The following TPO variants were observed in gnomAD, a reference collection of about 807,000 sequenced individuals.
The protein encoded by TPO is thyroid peroxidase.
TPO carries 78 observed loss-of-function variants against 96.9 expected under a neutral mutation model. That is an observed-to-expected ratio of 0.81 (90% CI 0.67 to 0.97). The LOEUF is 0.97. Among genes scored for constraint, TPO ranks in the 50% least tolerant of loss-of-function variants. The probability of loss-of-function intolerance (pLI) is 0.00; values close to 1 mark genes in which losing one functional copy is unlikely to be tolerated. For missense variants in TPO, 1,252 were observed against 1,274.8 expected (o/e 0.98, Z 0.27); for synonymous variants, 547 against 538.0 (o/e 1.02, Z -0.23).
chr2:1,438,988 AC>A (rs1665890259), intron 5 of TPO: 1 of 611,286 alleles, frequency 1.6e-6, no homozygotes, highest in Non-Finnish European at 3.0e-6. Context: ...TAGAGCCTGA[AC>A]CTTTCTTTGG....
At chr2:1,528,329 TCCCAAGTCTGCAACCC>T (rs1451271261) in intron 15 of TPO, among the ~76,000 whole-genome samples, 2 of 75,888 alleles carry the variant, frequency 2.6e-5, no homozygotes, top group Non-Finnish European at 2.4e-5. Context: ...CCACAAATCC[TCCCAAGTCTGCAACCC>T]CCCAAGTCCC....
At position 1,537,891 on chromosome 2, in the gene TPO, A is replaced by G. The variant is rs192687505; in HGVS notation, c.2619-2703A>G. On this transcript the variant is annotated intron_variant, in intron 15 of 16. Coordinates refer to ENST00000329066, the MANE Select transcript of TPO (RefSeq NM_001206744.2). ...CCCCCCACTGTGTGCAACCTCCTCA[A>G]ATCCCCACCACTCTGTGCAACCTGC... is the stretch of plus-strand genomic sequence containing the variant. Among the ~76,000 whole-genome samples the G allele has an allele frequency of 5.2e-3, 464 of 88,664 alleles. 2 individuals carry two copies. The highest frequency in any genetic ancestry group is 0.019 in the African/African-American group (423 of 22,306). The allele number at this position is 88,664 out of a possible 152,430, so 58.2% of individuals were successfully genotyped here. A position where few individuals can be genotyped will look rare whatever the true frequency, so the allele number is the denominator to read the frequency against.
At chr2:1,433,287 A>T in intron 3 of TPO, 151 bp from the exon 4 acceptor site, 1 of 913,600 alleles carries the variant, frequency 1.1e-6, no homozygotes, top group Non-Finnish European at 1.7e-6. Context: ...CAGCAACTGC[A>T]CATGTTTTAC....
chr2:1,378,112 T>G (rs116131630), intron 1 of TPO, among the ~76,000 whole-genome samples: 6,347 of 152,296 alleles, frequency 0.042, 289 homozygotes, highest in South Asian at 0.11. Context: ...TTCACCTTCC[T>G]CAGTGATTGT....
At chr2:1,429,910 A>G (rs73183027) in intron 3 of TPO, among the ~76,000 whole-genome samples, 4,898 of 152,326 alleles carry the variant, frequency 0.032, 275 homozygotes, top group African/African-American at 0.11. Flanking sequence ...AAAGGGAAGC[A>G]GAGCATAAAC....
chr2:1,402,022 A>C (rs1662179898), intron 1 of TPO, among the ~76,000 whole-genome samples: 1 of 152,142 alleles, frequency 6.6e-6, no homozygotes, highest in Non-Finnish European at 1.5e-5. Context: ...AGGGCACCCA[A>C]ATGCTGCTTC....
rs145095981 is a variant in TPO, at chr2:1,542,462, G to A, written c.2790G>A (p.Pro930=). The A allele has an allele frequency of 3.0e-5, 48 of 1,614,038 alleles. No homozygotes were observed. The highest frequency in any genetic ancestry group is 2.5e-4 in the South Asian group (23 of 91,070). The change falls in exon 17 of 17, where the codon CCG becomes CCA. Residue 930 remains proline, a synonymous_variant. Coordinates refer to ENST00000329066, the MANE Select transcript of TPO (RefSeq NM_001206744.2). ...AAGGCCGGGATACTCACAGGCTGCCGAGAGCCCTCTGAGGGCAAAGTGGCA... is the reference window on the plus strand; with the variant it reads ...AAGGCCGGGATACTCACAGGCTGCCAAGAGCCCTCTGAGGGCAAAGTGGCA... ...GMEGRDTHRL[P]RAL is the part of the protein sequence containing the mutation.
At chr2:1,424,211 G>A (rs1490993538) in intron 3 of TPO, among the ~76,000 whole-genome samples, 1 of 152,214 alleles carries the variant, frequency 6.6e-6, no homozygotes, top group Non-Finnish European at 1.5e-5. Flanking sequence ...CAGGTCATAA[G>A]TAGATGTAAC....
intron 7 of TPO, among the ~76,000 whole-genome samples, chr2:1,470,861 AGAG>A (rs1440005840): frequency 6.6e-6 from 1 of 152,224 alleles, no homozygotes; most frequent in African/African-American, 2.4e-5. Flanking sequence ...CAGCATCGGC[AGAG>A]GAGGCCACAG....
intron 15 of TPO, among the ~76,000 whole-genome samples, chr2:1,527,921 A>T (rs76512410): frequency 3.2e-3 from 75 of 23,470 alleles, no homozygotes; most frequent in East Asian, 0.018. Context: ...CCCCAATGTG[A>T]GCAACCTCCT....
chr2:1,484,930 A>C lies in TPO; in HGVS notation c.1597+76A>C, dbSNP rs182589400. On this transcript the variant is annotated intron_variant, in intron 9 of 16. Coordinates refer to ENST00000329066, the MANE Select transcript of TPO (RefSeq NM_001206744.2). ...TTTTAATTTTTTTAAATTATATTTT[A>C]AGTTCTAGGGTACATGTGCACAACG... is the stretch of plus-strand genomic sequence containing the variant. 2.5e-3 allele frequency: 3,928 copies of C among 1,582,958 alleles called. 12 individuals are homozygous for C. The highest frequency in any genetic ancestry group is 3.1e-3 in the Non-Finnish European group (3,641 of 1,166,024).
At position 1,419,204 on chromosome 2, in the gene TPO, C is replaced by T. The variant is rs143579705; in HGVS notation, c.95-3841C>T. On this transcript the variant is annotated intron_variant, in intron 2 of 16. Coordinates refer to ENST00000329066, the MANE Select transcript of TPO (RefSeq NM_001206744.2). Reference sequence around the variant, plus strand: ...GAAGGCGCAGGCAGAGAGCAGCGGGCGGCTTCTCCAGAGCAAGTAATTAAG... The same window carrying T: ...GAAGGCGCAGGCAGAGAGCAGCGGGTGGCTTCTCCAGAGCAAGTAATTAAG... Among the ~76,000 whole-genome samples, 568 of 152,262 alleles carry T rather than the reference C, an allele frequency of 3.7e-3. 1 individual carries two copies. Among genetic ancestry groups the T allele is most frequent in the Admixed American group, 9.0e-3 (138 of 15,276 alleles).
chr2:1,510,007 G>T (rs1168209028), intron 14 of TPO, among the ~76,000 whole-genome samples: 1 of 151,936 alleles, frequency 6.6e-6, no homozygotes, highest in Non-Finnish European at 1.5e-5. Context: ...TGTTTCAGGT[G>T]TCCTCTCTCT....
At chr2:1,536,556 C>A (rs1322457219) in intron 15 of TPO, among the ~76,000 whole-genome samples, 1 of 62,504 alleles carries the variant, frequency 1.6e-5, no homozygotes, top group African/African-American at 7.2e-5. Context: ...CTCCTCAAAT[C>A]CCCCCCAGTG....
intron 7 of TPO, among the ~76,000 whole-genome samples, chr2:1,474,674 A>T (rs1669732151): frequency 6.6e-6 from 1 of 152,108 alleles, no homozygotes; most frequent in African/African-American, 2.4e-5. Flanking sequence ...TTTGTTAGGG[A>T]GTCATCGATC....
At chr2:1,524,656 A>C in intron 15 of TPO, among the ~76,000 whole-genome samples, 1 of 97,092 alleles carries the variant, frequency 1.0e-5, no homozygotes, top group Non-Finnish European at 2.0e-5. Flanking sequence ...CAACCTCCTC[A>C]AATCCCCCCA....
Position 1,542,533 on chromosome 2 carries a change from C to G in TPO, c.*59C>G, listed in dbSNP as rs1680879529. 1 of 1,609,634 alleles carries G rather than the reference C, an allele frequency of 6.2e-7. No individual in the cohort carries two copies. The highest frequency in any genetic ancestry group is 8.5e-7 in the Non-Finnish European group (1 of 1,177,902). ...ATGTTCCCAAAATCACCGTACGACT[C>G]TTTTCCAAACACAGGCAAATCCGAA... is the stretch of plus-strand genomic sequence containing the variant. On this transcript the variant is annotated 3_prime_UTR_variant, in exon 17 of 17. Transcript: ENST00000329066.
intron 5 of TPO, chr2:1,439,043 C>T: frequency 1.8e-6 from 1 of 545,800 alleles, no homozygotes; most frequent in East Asian, 2.9e-5. Context: ...TCAAAAAAAA[C>T]TCTTTAAAAA....
intron 10 of TPO, among the ~76,000 whole-genome samples, chr2:1,489,681 AATG>A (rs1671531200): frequency 1.3e-5 from 2 of 151,686 alleles, no homozygotes; most frequent in African/African-American, 4.9e-5. Context: ...TGAATGAATG[AATG>A]TTTGGGCAAA....
Sources: allele counts gnomAD v4.1 joint callset (sites outside exome capture counted in the v4.1 genomes callset), GRCh38; gene constraint gnomAD v4.1.1; transcripts MANE v1.5; gene names NCBI Gene and HGNC (gene_info 2026-07-23, HGNC 2026-07-21).